Variants in ANKS1A observed in about 807,000 individuals in gnomAD.
ANKS1A encodes the protein ankyrin repeat and SAM domain-containing protein 1A.
In ANKS1A, 55 loss-of-function variants were observed where a neutral mutation model predicts 120.3. The ratio of observed to expected loss-of-function variants is 0.46; its 90% CI spans 0.37 to 0.57. The LOEUF (loss-of-function observed/expected upper bound fraction) is 0.57. ANKS1A is among the 20% of genes least tolerant of loss of function. The pLI, the probability that ANKS1A is intolerant of heterozygous loss-of-function variation, is 0.00. For synonymous variants in ANKS1A, 590 were observed against 604.7 expected, an observed-to-expected ratio of 0.98 and a Z score of 0.36; for missense variants, 1,123 against 1,480.3, an observed-to-expected ratio of 0.76 and a Z score of 3.96.
chr6:35,093,342 T>G (rs1239741972), downstream of ANKS1A, among the ~76,000 whole-genome samples: 2 of 151,916 alleles, frequency 1.3e-5, no homozygotes, highest in Non-Finnish European at 2.9e-5. Context: ...CAAAATAAAT[T>G]CCAGATGGCT....
rs1778187987 is a variant in ANKS1A at position 35,089,557 on chromosome 6, C to T, written c.*948C>T. 9.1e-6 allele frequency: 9 copies of T among 986,572 alleles called. No individual in the cohort carries two copies. The highest frequency in any genetic ancestry group is 1.1e-5 in the Non-Finnish European group (9 of 830,478). 61.1% of individuals were successfully genotyped at this position (986,572 alleles called of 1,614,324 possible). ...CTAATCAGCCTGTGTGATTGGGGCT[C>T]ATTTTGATTCTCTGAATTATCGGTT... On this transcript the variant is annotated 3_prime_UTR_variant, in exon 24 of 24. Transcript: ENST00000360359.
intron 11 of ANKS1A, among the ~76,000 whole-genome samples, chr6:35,030,912 A>C (rs1040635763): frequency 5.9e-5 from 9 of 152,216 alleles, no homozygotes; most frequent in African/African-American, 1.9e-4. Context: ...ATCCTCTTGA[A>C]ATCGTATGAC....
intron 10 of ANKS1A, among the ~76,000 whole-genome samples, chr6:35,015,890 C>G (rs892203906): frequency 2.0e-5 from 3 of 152,200 alleles, no homozygotes; most frequent in African/African-American, 7.2e-5. Context: ...CCTGGCTACC[C>G]TCTCCAGTTG....
intron 13 of ANKS1A, among the ~76,000 whole-genome samples, chr6:35,068,541 C>G (rs900517340): frequency 6.6e-6 from 1 of 152,196 alleles, no homozygotes; most frequent in African/African-American, 2.4e-5. Context: ...TCTTGGTTAG[C>G]GGAATCTGCC....
chr6:34,935,275 C>T (rs1465402393), intron 1 of ANKS1A, among the ~76,000 whole-genome samples: 5 of 152,080 alleles, frequency 3.3e-5, no homozygotes, highest in Non-Finnish European at 7.4e-5. Context: ...TTTGTAGAGA[C>T]GGGGTCTCGC....
At chr6:34,993,200 G>A (rs1172724521) in intron 9 of ANKS1A, among the ~76,000 whole-genome samples, 1 of 152,042 alleles carries the variant, frequency 6.6e-6, no homozygotes, top group African/African-American at 2.4e-5. Flanking sequence ...TTCTTATTTT[G>A]CCTGTGAAAC....
chr6:34,936,710 T>G (rs1443029663), intron 1 of ANKS1A, among the ~76,000 whole-genome samples: 1 of 152,190 alleles, frequency 6.6e-6, no homozygotes, highest in Non-Finnish European at 1.5e-5. Context: ...GATATTCGGT[T>G]TCCTCACTTT....
intron 1 of ANKS1A, among the ~76,000 whole-genome samples, chr6:34,960,898 G>A (rs1475146981): frequency 6.6e-6 from 1 of 152,202 alleles, no homozygotes; most frequent in African/African-American, 2.4e-5. Flanking sequence ...AAAATCAAGT[G>A]AATTGTCCAA....
At chr6:35,063,336 G>A (rs983187633) in intron 13 of ANKS1A, among the ~76,000 whole-genome samples, 6 of 152,246 alleles carry the variant, frequency 3.9e-5, no homozygotes, top group Non-Finnish European at 5.9e-5. Context: ...TAATCAGCAC[G>A]GAAGGAAGGT....
chr6:34,943,599 C>T (rs1315143013), intron 1 of ANKS1A, among the ~76,000 whole-genome samples: 2 of 152,158 alleles, frequency 1.3e-5, no homozygotes, highest in Non-Finnish European at 2.9e-5. Context: ...CTTCCCTCCC[C>T]GTTGAACCCA....
intron 14 of ANKS1A, 50 bp downstream of exon 14, chr6:35,078,706 C>A: frequency 6.5e-7 from 1 of 1,532,280 alleles, no homozygotes; most frequent in Non-Finnish European, 8.9e-7. Flanking sequence ...CCAGGGCCAC[C>A]TCCCTAGCAC....
chr6:35,000,594 G>T (rs1014430217), intron 10 of ANKS1A, among the ~76,000 whole-genome samples: 1 of 152,032 alleles, frequency 6.6e-6, no homozygotes, highest in African/African-American at 2.4e-5. Context: ...AAAAATGTTT[G>T]TAATAAGTCA....
intron 9 of ANKS1A, among the ~76,000 whole-genome samples, chr6:34,989,554 A>C (rs893630076): frequency 1.3e-5 from 2 of 152,196 alleles, no homozygotes; most frequent in African/African-American, 4.8e-5. Context: ...AGTAAAATGT[A>C]CATTTTTTCC....
chr6:34,976,766 CTGTG>C (rs1483079651), intron 3 of ANKS1A, among the ~76,000 whole-genome samples: 1 of 107,824 alleles, frequency 9.3e-6, no homozygotes, highest in Non-Finnish European at 2.2e-5. Flanking sequence ...TTTTCTCTTT[CTGTG>C]TGTGTGCGTG....
intron 11 of ANKS1A, among the ~76,000 whole-genome samples, chr6:35,039,280 C>T (rs1401586124): frequency 7.0e-6 from 1 of 142,470 alleles, no homozygotes; most frequent in Non-Finnish European, 1.5e-5. Context: ...CTCACTGCAA[C>T]CTCCGCCTCC....
chr6:34,898,348 G>A (rs1767194463), intron 1 of ANKS1A, among the ~76,000 whole-genome samples: 2 of 152,240 alleles, frequency 1.3e-5, no homozygotes, highest in Admixed American at 1.3e-4. Flanking sequence ...AAACCTTGGG[G>A]CCAGATATGT....
chr6:35,011,053 G>A (rs1773733583), intron 10 of ANKS1A, among the ~76,000 whole-genome samples: 1 of 152,170 alleles, frequency 6.6e-6, no homozygotes, highest in Admixed American at 6.5e-5. Flanking sequence ...ACTTCTTTAA[G>A]CCTCAGTTTC....
intron 10 of ANKS1A, among the ~76,000 whole-genome samples, chr6:35,009,675 G>A (rs1038934292): frequency 2.6e-5 from 4 of 151,914 alleles, no homozygotes; most frequent in African/African-American, 9.7e-5. Flanking sequence ...GGTTGAGGTG[G>A]GTGGATCACT....
Position 35,079,802 on chromosome 6 carries a change from G to A in ANKS1A, c.2437-19G>A, listed in dbSNP as rs2762338. 1.4e-5 allele frequency: 23 copies of A among 1,586,828 alleles called. No individual in the cohort carries two copies. The highest frequency in any genetic ancestry group is 2.3e-5 in the East Asian group (1 of 43,588). On this transcript the variant is annotated intron_variant, in intron 15 of 23. Coordinates refer to ENST00000360359, the MANE Select transcript of ANKS1A (RefSeq NM_015245.3). The stretch of plus-strand genomic sequence containing the variant: ...AGTTGGCCACCTGACCTGTCACCTC[G>A]CTGCTCCTCATCACCCAGGTCCTGA...
Sources: allele counts gnomAD v4.1 joint callset (sites outside exome capture counted in the v4.1 genomes callset), GRCh38; gene constraint gnomAD v4.1.1; transcripts MANE v1.5; gene names NCBI Gene and HGNC (gene_info 2026-07-23, HGNC 2026-07-21).